The following CCDC170 variants were observed in gnomAD, a reference collection of about 807,000 sequenced individuals.
CCDC170 encodes coiled-coil domain-containing protein 170.
A neutral mutation model predicts 72.6 loss-of-function variants in CCDC170; 69 were observed. The ratio of observed to expected loss-of-function variants is 0.95; its 90% CI spans 0.78 to 1.16. The LOEUF is 1.16. CCDC170 is among the 50% of genes most tolerant of loss of function. The probability of loss-of-function intolerance (pLI) is 0.00; values close to 1 mark genes in which losing one functional copy is unlikely to be tolerated. For missense variants in CCDC170, 852 were observed against 832.5 expected (o/e 1.02, Z -0.29); for synonymous variants, 300 against 303.9 (o/e 0.99, Z 0.13).
At chr6:151,593,414 G>A (rs781016872) in intron 8 of CCDC170, 134 bp downstream of exon 8, 122 of 951,168 alleles carry the variant, frequency 1.3e-4, no homozygotes, top group Admixed American at 2.0e-4. Flanking sequence ...ATTTAGAATT[G>A]GAGGCTCAAT....
At chr6:151,587,639 T>A (rs933386160) in intron 7 of CCDC170, among the ~76,000 whole-genome samples, 6 of 152,196 alleles carry the variant, frequency 3.9e-5, no homozygotes, top group Non-Finnish European at 8.8e-5. Context: ...TGAGGTTGGA[T>A]ATGCAAAGAT....
At chr6:151,571,733 A>G (rs1446594897) in intron 5 of CCDC170, among the ~76,000 whole-genome samples, 1 of 108,756 alleles carries the variant, frequency 9.2e-6, no homozygotes, top group Non-Finnish European at 1.8e-5. Flanking sequence ...GTCCCGGGAG[A>G]AAAAAAAATC....
At chr6:151,582,845 C>T (rs1346438626) in intron 6 of CCDC170, among the ~76,000 whole-genome samples, 3 of 152,118 alleles carry the variant, frequency 2.0e-5, no homozygotes, top group African/African-American at 7.2e-5. Context: ...AAGAATGACA[C>T]CAAGTCATTC....
chr6:151,523,701 AT>A lies in CCDC170; in HGVS notation c.58-12616del, dbSNP rs569037545. 6.9e-3 allele frequency among the ~76,000 whole-genome samples: 1,028 copies of A among 150,072 alleles called. 15 individuals are homozygous for A. Among genetic ancestry groups the A allele is most frequent in the South Asian group, 5.3e-3 (25 of 4,716 alleles). On this transcript the variant is annotated intron_variant, in intron 1 of 10. Transcript: ENST00000239374. ...ACTCTGTCTCAAAAAAAAAAAAAAA[AT>A]CATTGAATTCTTGTTTTAATCCTTG...
chr6:151,512,152 G>GTTTTT (rs1247040921), intron 1 of CCDC170, among the ~76,000 whole-genome samples: 51 of 138,434 alleles, frequency 3.7e-4, no homozygotes, highest in African/African-American at 1.4e-3. Context: ...GCAGTATACC[G>GTTTTT]TTTTTTTTTG....
rs17081395 is a variant in CCDC170, at chr6:151,536,099, G to A, written c.58-219G>A. 7.2e-3 allele frequency among the ~76,000 whole-genome samples: 1,103 copies of A among 152,194 alleles called. 13 individuals carry two copies. The highest frequency in any genetic ancestry group is 0.025 in the African/African-American group (1,043 of 41,530). On this transcript the variant is annotated intron_variant, in intron 1 of 10. Transcript: ENST00000239374. ...AAATGACAAACCTCATCACCATCCT[G>A]GAGGAGCACATCATTTGTTCCCGAA...
intron 7 of CCDC170, 68 bp from the exon 8 acceptor site, chr6:151,593,039 A>G: frequency 6.6e-7 from 1 of 1,503,824 alleles, no homozygotes; most frequent in Admixed American, 1.7e-5. Flanking sequence ...AAAGAGGAAG[A>G]GATTCTGTGA....
chr6:151,554,872 G>GTTT lies in CCDC170; in HGVS notation c.774+6403_774+6405dup, dbSNP rs1173500486. ...CGTAGCTTGATCTTTTTGGACCTCA[G>GTTT]TTTTTTTTTTTTTTTTTTTTTTGTG... On this transcript the variant is annotated intron_variant, in intron 5 of 10. Coordinates refer to ENST00000239374, the MANE Select transcript of CCDC170 (RefSeq NM_025059.4). 5.7e-3 allele frequency among the ~76,000 whole-genome samples: 578 copies of GTTT among 102,284 alleles called. 25 individuals carry two copies. Among genetic ancestry groups the GTTT allele is most frequent in the East Asian group, 0.041 (104 of 2,508 alleles). The allele number at this position is 102,284 out of a possible 152,430, so 67.1% of individuals were successfully genotyped here. A position where few individuals can be genotyped will look rare whatever the true frequency, so the allele number is the denominator to read the frequency against.
At chr6:151,587,854 T>A (rs1363523814) in intron 7 of CCDC170, among the ~76,000 whole-genome samples, 1 of 152,188 alleles carries the variant, frequency 6.6e-6, no homozygotes, top group Non-Finnish European at 1.5e-5. Context: ...TGACTTTTTT[T>A]CTGTGTGGTA....
intron 9 of CCDC170, among the ~76,000 whole-genome samples, chr6:151,601,102 T>A (rs1035687297): frequency 2.0e-5 from 3 of 152,156 alleles, no homozygotes; most frequent in Admixed American, 2.0e-4. Flanking sequence ...GGATTTACAG[T>A]TCCACATGGC....
intron 9 of CCDC170, among the ~76,000 whole-genome samples, chr6:151,606,052 CCATTA>C: frequency 6.6e-6 from 1 of 152,082 alleles, no homozygotes; most frequent in Middle Eastern, 3.4e-3. Flanking sequence ...CAGGTACGTG[CCATTA>C]CGCCTGGCTA....
At position 151,526,558 on chromosome 6, in the gene CCDC170, C is replaced by T. The variant is rs1324454970; in HGVS notation, c.58-9760C>T. Among the ~76,000 whole-genome samples the T allele has an allele frequency of 2.7e-5, 4 of 150,348 alleles. No homozygotes were observed. The East Asian group carries it at 7.9e-4, about 30-fold the overall frequency. On this transcript the variant is annotated intron_variant, in intron 1 of 10. Coordinates refer to ENST00000239374, the MANE Select transcript of CCDC170 (RefSeq NM_025059.4). ...TTGAGATGGAGACTCGCTCTGTCGC[C>T]AGACTGGAGTGCAGTGGTGCGATCT...
chr6:151,586,120 A>G (rs1362521865), intron 7 of CCDC170, 31 bp downstream of exon 7: 1 of 1,605,750 alleles, frequency 6.2e-7, no homozygotes, highest in Non-Finnish European at 8.5e-7. Flanking sequence ...CCATGAGTGG[A>G]AGCATCTGTT....
intron 1 of CCDC170, among the ~76,000 whole-genome samples, chr6:151,528,407 T>C (rs1327182951): frequency 6.6e-6 from 1 of 152,242 alleles, no homozygotes; most frequent in South Asian, 2.1e-4. Flanking sequence ...ATGTTACCTA[T>C]GGTTGTTTCT....
intron 4 of CCDC170, among the ~76,000 whole-genome samples, chr6:151,547,289 C>A (rs772611638): frequency 6.6e-6 from 1 of 152,108 alleles, no homozygotes; most frequent in Non-Finnish European, 1.5e-5. Context: ...TGTCTATGCT[C>A]GCCTAGAGAT....
At chr6:151,578,376 C>T (rs1329972540) in intron 6 of CCDC170, among the ~76,000 whole-genome samples, 4 of 152,188 alleles carry the variant, frequency 2.6e-5, no homozygotes, top group South Asian at 2.1e-4. Context: ...CCATGCCTCA[C>T]TCCTAGCTTC....
rs1554223884 is a variant in CCDC170, at chr6:151,572,653, T to TTTTTTGTTTG, written c.775-516_775-515insGTTTGTTTTT. 1.2e-4 allele frequency among the ~76,000 whole-genome samples: 12 copies of TTTTTTGTTTG among 100,510 alleles called. 3 individuals are homozygous for TTTTTTGTTTG. Among genetic ancestry groups the TTTTTTGTTTG allele is most frequent in the East Asian group, 6.8e-4 (2 of 2,954 alleles). 65.9% of individuals were successfully genotyped at this position (100,510 alleles called of 152,430 possible). ...TATTTTATATCCCTTCTCTGTGTTT[T>TTTTTTGTTTG]TTTTTTTTTTTTTTTTGATGGAGTC... On this transcript the variant is annotated intron_variant, in intron 5 of 10. Coordinates refer to ENST00000239374, the MANE Select transcript of CCDC170 (RefSeq NM_025059.4).
chr6:151,555,786 T>G (rs1583024653), intron 5 of CCDC170, among the ~76,000 whole-genome samples: 1 of 152,248 alleles, frequency 6.6e-6, no homozygotes, highest in African/African-American at 2.4e-5. Context: ...AGGACATTTA[T>G]TATGGATTTC....
intron 1 of CCDC170, among the ~76,000 whole-genome samples, chr6:151,533,565 G>C (rs1782527737): frequency 6.6e-6 from 1 of 151,750 alleles, no homozygotes; most frequent in Non-Finnish European, 1.5e-5. Flanking sequence ...TATTCGGGAG[G>C]CTGAGGCAGG....
Sources: gnomAD v4.1 joint callset for allele counts (sites outside exome capture counted in the v4.1 genomes callset) on GRCh38, gnomAD v4.1.1 for gene constraint, MANE v1.5 for transcripts, NCBI Gene and HGNC (gene_info 2026-07-23, HGNC 2026-07-21) for gene names.